The following EIF3K variants were observed in gnomAD, a reference collection of about 807,000 sequenced individuals.
EIF3K encodes the protein eukaryotic translation initiation factor 3 subunit K, also known as eIF-3 p28.
In EIF3K, 27 loss-of-function variants were observed where a neutral mutation model predicts 34.2. The ratio of observed to expected loss-of-function variants is 0.79; its 90% CI spans 0.58 to 1.09. The LOEUF (loss-of-function observed/expected upper bound fraction) is 1.09. Among genes scored for constraint, EIF3K ranks in the 50% least tolerant of loss-of-function variants. The pLI, the probability that EIF3K is intolerant of heterozygous loss-of-function variation, is 0.00. For synonymous variants in EIF3K, 105 were observed against 105.7 expected (o/e 0.99, Z 0.04); for missense variants, 232 against 275.4 (o/e 0.84, Z 1.11).
chr19:38,622,808 C>T (rs1038854543), intron 2 of EIF3K, among the ~76,000 whole-genome samples: 5 of 152,228 alleles, frequency 3.3e-5, no homozygotes, highest in South Asian at 2.1e-4. Context: ...TTCTCAGGGA[C>T]GTTCCATGCT....
chr19:38,622,822 A>G (rs1393206513), intron 2 of EIF3K, among the ~76,000 whole-genome samples: 1 of 152,230 alleles, frequency 6.6e-6, no homozygotes, highest in East Asian at 1.9e-4. Context: ...CCATGCTGAG[A>G]AAAAGAATTC....
intron 3 of EIF3K, 58 bp from the exon 4 acceptor site, chr19:38,625,969 GA>G: frequency 6.6e-7 from 1 of 1,516,394 alleles, no homozygotes; most frequent in Non-Finnish European, 9.2e-7. Flanking sequence ...GGGGAGGGGT[GA>G]TCTGGGGTCC....
In EIF3K at chr19:38,631,369, A is replaced by C. The variant is rs577553723; in HGVS notation, c.355-1061A>C. ...TGGCAGGGTCATAGGATAATAGTGG[A>C]GAGAAGGTCAGCAGGTAAACACGTG... On this transcript the variant is annotated intron_variant, in intron 4 of 7. Coordinates refer to ENST00000248342, the MANE Select transcript of EIF3K (RefSeq NM_013234.4). 2.4e-4 allele frequency among the ~76,000 whole-genome samples: 37 copies of C among 152,280 alleles called. No homozygotes were observed. In the South Asian group the frequency reaches 7.7e-3, roughly 32 times the overall value.
At chr19:38,632,324 A>T in intron 4 of EIF3K, 106 bp from the exon 5 acceptor site, 1 of 1,099,322 alleles carries the variant, frequency 9.1e-7, no homozygotes, top group Non-Finnish European at 1.3e-6. Context: ...CCAGAAATTC[A>T]AGACCAGCCT....
intron 4 of EIF3K, among the ~76,000 whole-genome samples, chr19:38,627,483 G>C (rs1370906291): frequency 2.6e-5 from 4 of 151,794 alleles, no homozygotes; most frequent in African/African-American, 9.7e-5. Context: ...TGACCAACGT[G>C]GAGAAATACT....
chr19:38,624,460 G>C (rs777436654), intron 3 of EIF3K, among the ~76,000 whole-genome samples: 1 of 152,084 alleles, frequency 6.6e-6, no homozygotes, highest in East Asian at 1.9e-4. Context: ...CACAGCAGCC[G>C]GGCACAATGA....
intron 4 of EIF3K, among the ~76,000 whole-genome samples, chr19:38,630,147 T>TGGTA (rs1976029904): frequency 6.7e-6 from 1 of 149,312 alleles, no homozygotes; most frequent in Non-Finnish European, 1.5e-5. Context: ...GTGCTCAAAG[T>TGGTA]GGTAGCTGCT....
At chr19:38,634,893 G>A in intron 6 of EIF3K, 100 bp from the exon 7 acceptor site, 1 of 1,540,608 alleles carries the variant, frequency 6.5e-7, no homozygotes, top group Non-Finnish European at 8.8e-7. Flanking sequence ...GGCAAGGGGG[G>A]CTGCCCTGGC....
chr19:38,622,363 G>A (rs951008727), intron 2 of EIF3K, among the ~76,000 whole-genome samples: 1 of 152,174 alleles, frequency 6.6e-6, no homozygotes, highest in Non-Finnish European at 1.5e-5. Flanking sequence ...GGGCGTCCGG[G>A]GGAGACATCA....
rs1347487529 is a variant in EIF3K, at chr19:38,632,285, G to A, written c.355-145G>A. On this transcript the variant is annotated intron_variant, in intron 4 of 7. Coordinates refer to ENST00000248342, the MANE Select transcript of EIF3K (RefSeq NM_013234.4). ...GCAGCAACAAAATCTTAGCACTTTG[G>A]GGGGCTGAGGCAGGAAGATCACTTG... is the stretch of plus-strand genomic sequence containing the variant. 3 of 719,082 alleles carry A rather than the reference G, an allele frequency of 4.2e-6. No individual in the cohort carries two copies. In the Admixed American group the frequency reaches 7.2e-5, roughly 17 times the overall value. The allele number at this position is 719,082 out of a possible 1,614,324, so 44.5% of individuals were successfully genotyped here. A position where few individuals can be genotyped will look rare whatever the true frequency, so the allele number is the denominator to read the frequency against.
chr19:38,635,548 T>C (rs1471218296), intron 7 of EIF3K: 1 of 241,120 alleles, frequency 4.1e-6, no homozygotes, highest in Non-Finnish European at 8.1e-6. Flanking sequence ...AGTTTTCTCA[T>C]CTAAAAAATG....
chr19:38,619,449 G>C, intron 1 of EIF3K, 122 bp downstream of exon 1: 2 of 1,087,978 alleles, frequency 1.8e-6, no homozygotes, highest in Non-Finnish European at 2.7e-6. Context: ...CTATCCTCCT[G>C]GAGGAGGAGA....
At chr19:38,632,962 A>G in intron 6 of EIF3K, 1 of 389,532 alleles carries the variant, frequency 2.6e-6, no homozygotes. Context: ...ATTCATTCTC[A>G]TGGAGGTAGC....
intron 2 of EIF3K, among the ~76,000 whole-genome samples, chr19:38,622,058 A>G (rs1192964260): frequency 6.8e-6 from 1 of 148,136 alleles, no homozygotes; most frequent in Non-Finnish European, 1.5e-5. Context: ...GGCATGCACC[A>G]CCATGCCCAG....
chr19:38,619,503 T>C (rs1032361138), intron 1 of EIF3K, among the ~76,000 whole-genome samples, 176 bp downstream of exon 1: 1 of 152,138 alleles, frequency 6.6e-6, no homozygotes, highest in African/African-American at 2.4e-5. Flanking sequence ...GGCTCACGCC[T>C]GTGATCCTAG....
At chr19:38,619,976 A>G (rs1029452794) in intron 1 of EIF3K, among the ~76,000 whole-genome samples, 3 of 152,090 alleles carry the variant, frequency 2.0e-5, no homozygotes, top group Non-Finnish European at 2.9e-5. Flanking sequence ...GGTAGGCAGG[A>G]GAGGATGGGG....
chr19:38,632,526 A>G, intron 5 of EIF3K, 30 bp downstream of exon 5: 1 of 1,613,702 alleles, frequency 6.2e-7, no homozygotes, highest in Middle Eastern at 1.7e-4. Flanking sequence ...TGGGCTCCCC[A>G]AGGGGAAGGG....
chr19:38,633,202 G>A (rs1976108763), intron 6 of EIF3K, among the ~76,000 whole-genome samples: 1 of 152,096 alleles, frequency 6.6e-6, no homozygotes, highest in African/African-American at 2.4e-5. Context: ...GAGAGCTGGG[G>A]GTTGGAGGGG....
At chr19:38,630,868 G>T (rs1388339213) in intron 4 of EIF3K, 1 of 151,678 alleles carries the variant, frequency 6.6e-6, no homozygotes, top group African/African-American at 2.4e-5. Context: ...TAGAGTCAGG[G>T]TTTCTCCATG....
Sources: gnomAD v4.1 joint callset for allele counts (sites outside exome capture counted in the v4.1 genomes callset) on GRCh38, gnomAD v4.1.1 for gene constraint, MANE v1.5 for transcripts, NCBI Gene and HGNC (gene_info 2026-07-23, HGNC 2026-07-21) for gene names.